Variants in ADCK1 observed in about 807,000 individuals in gnomAD.
ADCK1 encodes the protein aarF domain containing kinase 1.
Under a neutral mutation model 52.3 loss-of-function variants are expected in ADCK1, and 41 were observed. The observed-to-expected ratio is 0.78, with a 90% CI of 0.61 to 1.02. The LOEUF is 1.02. ADCK1 is among the 50% of genes least tolerant of loss of function. ADCK1 has a pLI of 0.00. For missense variants in ADCK1, 658 were observed against 679.5 expected (o/e 0.97, Z 0.35); for synonymous variants, 250 against 274.6 (o/e 0.91, Z 0.89).
At chr14:77,869,423 CT>C (rs1289070423) in intron 4 of ADCK1, among the ~76,000 whole-genome samples, 1 of 152,144 alleles carries the variant, frequency 6.6e-6, no homozygotes, top group Non-Finnish European at 1.5e-5. Context: ...GGGTGTCTGG[CT>C]CTGTGTCCAA....
chr14:77,824,055 C>A (rs564810871), intron 3 of ADCK1, among the ~76,000 whole-genome samples: 3 of 151,986 alleles, frequency 2.0e-5, no homozygotes, highest in Non-Finnish European at 4.4e-5. Context: ...CAGGCCACCA[C>A]GCCTGGCTAA....
intron 3 of ADCK1, among the ~76,000 whole-genome samples, chr14:77,831,765 T>C (rs2081855526): frequency 6.6e-6 from 1 of 152,026 alleles, no homozygotes; most frequent in Non-Finnish European, 1.5e-5. Flanking sequence ...TCCTGCAACC[T>C]TTAGAACCAT....
chr14:77,858,935 TGTGTGC>T, intron 3 of ADCK1, 135 bp from the exon 4 acceptor site: 1 of 703,344 alleles, frequency 1.4e-6, no homozygotes, highest in Non-Finnish European at 2.3e-6. Flanking sequence ...AAGGTGTGTG[TGTGTGC>T]GTGTGTGTGC....
At chr14:77,851,310 G>T (rs1398355956) in intron 3 of ADCK1, among the ~76,000 whole-genome samples, 1 of 151,980 alleles carries the variant, frequency 6.6e-6, no homozygotes, top group Non-Finnish European at 1.5e-5. Context: ...TAGAGACAGG[G>T]TTTCACCATA....
intron 5 of ADCK1, 42 bp downstream of exon 5, chr14:77,887,291 A>G (rs753859837): frequency 1.3e-6 from 2 of 1,499,860 alleles, no homozygotes; most frequent in Non-Finnish European, 1.8e-6. Flanking sequence ...CTCAGTCTAC[A>G]TTTCCCTGGG....
intron 3 of ADCK1, among the ~76,000 whole-genome samples, chr14:77,822,735 T>C (rs1483728020): frequency 6.6e-6 from 1 of 152,026 alleles, no homozygotes; most frequent in African/African-American, 2.4e-5. Context: ...GTGTAGGGGA[T>C]TGAGGCTGGG....
chr14:77,831,972 A>T (rs2081861183), intron 3 of ADCK1, among the ~76,000 whole-genome samples: 1 of 148,502 alleles, frequency 6.7e-6, no homozygotes, highest in Non-Finnish European at 1.5e-5. Context: ...TGTAAAGGTG[A>T]TGTGATGGCT....
chr14:77,852,992 A>G (rs1594941742), intron 3 of ADCK1, among the ~76,000 whole-genome samples: 1 of 134,942 alleles, frequency 7.4e-6, no homozygotes, highest in Admixed American at 7.8e-5. Context: ...CAGGCAACCC[A>G]TCGTCCCCCT....
intron 1 of ADCK1, among the ~76,000 whole-genome samples, chr14:77,807,017 A>AGATAGCCAC (rs1360388174): frequency 7.2e-6 from 1 of 139,460 alleles, no homozygotes; most frequent in Non-Finnish European, 1.5e-5. Context: ...GCCCGGCCTA[A>AGATAGCCAC]GATAGCCACT....
chr14:77,811,041 T>C (rs1053645648), intron 1 of ADCK1, among the ~76,000 whole-genome samples: 3 of 151,084 alleles, frequency 2.0e-5, no homozygotes, highest in African/African-American at 7.3e-5. Flanking sequence ...AGAGGGTGAG[T>C]CTGTTGCCCC....
intron 1 of ADCK1, among the ~76,000 whole-genome samples, chr14:77,814,717 A>AG (rs2081407224): frequency 6.6e-6 from 1 of 150,560 alleles, no homozygotes; most frequent in African/African-American, 2.4e-5. Flanking sequence ...AAAAAAAAAA[A>AG]AAGAAGAAAA....
chr14:77,852,660 A>AATATATAT (rs370053776), intron 3 of ADCK1, among the ~76,000 whole-genome samples: 42 of 31,698 alleles, frequency 1.3e-3, no homozygotes, highest in African/African-American at 3.4e-3. Flanking sequence ...TAAATAAATA[A>AATATATAT]ATATATATAT....
chr14:77,826,019 C>T (rs1265289513), intron 3 of ADCK1, among the ~76,000 whole-genome samples: 1 of 152,160 alleles, frequency 6.6e-6, no homozygotes, highest in Non-Finnish European at 1.5e-5. Flanking sequence ...TTGCCTGTCA[C>T]GTGTCACATG....
At chr14:77,929,533 T>C (rs935934774) in intron 9 of ADCK1, among the ~76,000 whole-genome samples, 1 of 152,248 alleles carries the variant, frequency 6.6e-6, no homozygotes, top group Non-Finnish European at 1.5e-5. Flanking sequence ...CACGTGTCCA[T>C]GCCTAAACCA....
At chr14:77,878,443 C>A (rs1235425129) in intron 4 of ADCK1, among the ~76,000 whole-genome samples, 1 of 152,224 alleles carries the variant, frequency 6.6e-6, no homozygotes, top group African/African-American at 2.4e-5. Context: ...CTGACATTCC[C>A]TTGTATTGAC....
rs563534974 is a variant in ADCK1 at position 77,933,512 on chromosome 14, T to C, written c.*121T>C. 3 of 1,255,494 alleles carry C rather than the reference T, an allele frequency of 2.4e-6. No individual in the cohort carries two copies. The African/African-American group carries it at 4.4e-5, about 19-fold the overall frequency. The allele number at this position is 1,255,494 out of a possible 1,614,324, so 77.8% of individuals were successfully genotyped here. A position where few individuals can be genotyped will look rare whatever the true frequency, so the allele number is the denominator to read the frequency against. On this transcript the variant is annotated 3_prime_UTR_variant, in exon 11 of 11. Coordinates refer to ENST00000238561, the MANE Select transcript of ADCK1 (RefSeq NM_020421.4). ...CCCGCAGCCCCAGAGTCACTGTCCA[T>C]GTCACCATCCTTCTCCTCCTTTGGA...
chr14:77,927,365 A>G (rs529083768), intron 9 of ADCK1, among the ~76,000 whole-genome samples: 1 of 152,350 alleles, frequency 6.6e-6, no homozygotes, highest in East Asian at 1.9e-4. Flanking sequence ...AAATAGGGAT[A>G]GGGATGATAA....
intron 1 of ADCK1, among the ~76,000 whole-genome samples, chr14:77,810,697 ATTTG>A (rs1224267653): frequency 6.6e-6 from 1 of 151,844 alleles, no homozygotes; most frequent in Admixed American, 6.6e-5. Flanking sequence ...CGCCTGGCTA[ATTTG>A]TTTGTATTTT....
chr14:77,868,798 A>G (rs536106810), intron 4 of ADCK1, among the ~76,000 whole-genome samples: 11 of 152,366 alleles, frequency 7.2e-5, no homozygotes, highest in Admixed American at 3.3e-4. Context: ...ACAGATTTGT[A>G]GAGCAACTGC....
Sources: allele counts gnomAD v4.1 joint callset (sites outside exome capture counted in the v4.1 genomes callset), GRCh38; gene constraint gnomAD v4.1.1; transcripts MANE v1.5; gene names NCBI Gene and HGNC (gene_info 2026-07-23, HGNC 2026-07-21).